PIEZO2: variants seen among roughly 807,000 people sequenced by gnomAD.
PIEZO2 encodes piezo type mechanosensitive ion channel component 2, also known as piezo-type mechanosensitive ion channel component 2.
PIEZO2 carries 172 observed loss-of-function variants against 337.3 expected under a neutral mutation model. The observed-to-expected ratio is 0.51, with a 90% CI of 0.45 to 0.58. The LOEUF is 0.58. Among genes scored for constraint, PIEZO2 ranks in the 20% least tolerant of loss-of-function variants. PIEZO2 has a pLI of 0.00. For missense variants in PIEZO2, 3,028 were observed against 3,391.3 expected, an observed-to-expected ratio of 0.89 and a Z score of 2.66; for synonymous variants, 1,251 against 1,228.5, an observed-to-expected ratio of 1.02 and a Z score of -0.38.
intron 3 of PIEZO2, among the ~76,000 whole-genome samples, chr18:10,939,079 CA>C (rs113892869): frequency 1.1e-4 from 12 of 111,028 alleles, no homozygotes; most frequent in South Asian, 2.7e-4. Context: ...AAAAACAAAA[CA>C]AAAAAAAAAT....
chr18:10,734,727 G>T (rs2036929094), intron 35 of PIEZO2, among the ~76,000 whole-genome samples: 1 of 152,228 alleles, frequency 6.6e-6, no homozygotes, highest in African/African-American at 2.4e-5. Flanking sequence ...CCCGCAGACT[G>T]CACTGGGTGG....
In PIEZO2 at chr18:10,869,720, G is replaced by A. The variant is rs188003171; in HGVS notation, c.492+1533C>T. The stretch of plus-strand genomic sequence containing the variant: ...TTAGGGCACTAATGCATGCCTTATG[G>A]TGTCAAGTCTTGAAAGTAAGATGTA... On this transcript the variant is annotated intron_variant, in intron 5 of 55. Transcript: ENST00000674853. Among the ~76,000 whole-genome samples the A allele has an allele frequency of 9.5e-4, 145 of 152,286 alleles. 1 individual carries two copies. The highest frequency in any genetic ancestry group is 5.1e-4 in the Non-Finnish European group (35 of 68,024).
In PIEZO2 at chr18:10,725,286, C is replaced by A. The variant is rs536073812; in HGVS notation, c.5029+6121G>T. 1.0e-5 allele frequency: 16 copies of A among 1,571,674 alleles called. No individual in the cohort carries two copies. The South Asian group carries it at 1.8e-4, about 17-fold the overall frequency. ...TGCTCACCAAGTGCCAGATATGGTC[C>A]ATTGTGGGTAAATACAGCAGAAGGA... is the stretch of plus-strand genomic sequence containing the variant. On this transcript the variant is annotated intron_variant, in intron 36 of 55. Transcript: ENST00000674853.
At chr18:10,931,219 G>T (rs998408605) in intron 3 of PIEZO2, among the ~76,000 whole-genome samples, 65 of 151,676 alleles carry the variant, frequency 4.3e-4, no homozygotes, top group Middle Eastern at 6.8e-3. Flanking sequence ...ATTCTGAGAC[G>T]GAGTCTCGCT....
In PIEZO2 at chr18:11,069,101, A is replaced by G. The variant is rs1439969015; in HGVS notation, c.65-2879T>C. 6.6e-6 allele frequency among the ~76,000 whole-genome samples: 1 copy of G among 151,696 alleles called. No individual in the cohort carries two copies. The highest frequency in any genetic ancestry group is 1.5e-5 in the Non-Finnish European group (1 of 68,028). On this transcript the variant is annotated intron_variant, in intron 1 of 55. Transcript: ENST00000674853. The surrounding 1 kb of genome is among the most constrained non-coding windows in gnomAD (Gnocchi z 4.9). Reference sequence around the variant, plus strand: ...ACCTCATGAATTCTACCAAACATTTAAGGAGAAATAATATCAATTCTTCTC... The same window carrying G: ...ACCTCATGAATTCTACCAAACATTTGAGGAGAAATAATATCAATTCTTCTC...
intron 2 of PIEZO2, among the ~76,000 whole-genome samples, chr18:10,997,035 T>G (rs1158531825): frequency 6.6e-6 from 1 of 152,128 alleles, no homozygotes; most frequent in Non-Finnish European, 1.5e-5. Flanking sequence ...CCCCAAATCA[T>G]GCACTCATGG....
chr18:10,725,189 T>C (rs2036482873), intron 36 of PIEZO2: 2 of 1,546,646 alleles, frequency 1.3e-6, no homozygotes, highest in African/African-American at 2.7e-5. Context: ...CATCAGGCAG[T>C]TGGCATCATT....
intron 29 of PIEZO2, among the ~76,000 whole-genome samples, chr18:10,749,499 TAAATAGAG>T (rs1424838520): frequency 1.3e-5 from 2 of 151,882 alleles, no homozygotes; most frequent in Non-Finnish European, 2.9e-5. Context: ...TAATAATAAA[TAAATAGAG>T]AGAGCACTGT....
chr18:10,723,281 A>AT (rs2036398348), intron 36 of PIEZO2, among the ~76,000 whole-genome samples: 1 of 152,098 alleles, frequency 6.6e-6, no homozygotes, highest in South Asian at 2.1e-4. Flanking sequence ...GGAGGCAGTG[A>AT]TTAACTGTAT....
At chr18:11,008,081 TA>T (rs2035782661) in intron 2 of PIEZO2, among the ~76,000 whole-genome samples, 2 of 152,182 alleles carry the variant, frequency 1.3e-5, no homozygotes, top group Admixed American at 6.5e-5. Flanking sequence ...AATATATGTA[TA>T]TATGAGGAAA....
At chr18:11,064,585 A>G (rs1287711337) in intron 2 of PIEZO2, among the ~76,000 whole-genome samples, 1 of 152,230 alleles carries the variant, frequency 6.6e-6, no homozygotes, top group Non-Finnish European at 1.5e-5. Context: ...ACATCTGAGT[A>G]TGAACTGATG....
rs1287733223 is a variant in PIEZO2 at position 10,763,322 on chromosome 18, G to A, written c.2947-224C>T. 3 of 556,456 alleles carry A rather than the reference G, an allele frequency of 5.4e-6. No individual in the cohort carries two copies. The African/African-American group carries it at 5.7e-5, about 11-fold the overall frequency. The allele number at this position is 556,456 out of a possible 1,614,324, so 34.5% of individuals were successfully genotyped here. A position where few individuals can be genotyped will look rare whatever the true frequency, so the allele number is the denominator to read the frequency against. ...TGTATGGCAGACAGACATATCATCAGGTGACATCAATATCATGTAGCACTG... is the reference window on the plus strand; with the variant it reads ...TGTATGGCAGACAGACATATCATCAAGTGACATCAATATCATGTAGCACTG... On this transcript the variant is annotated intron_variant, in intron 21 of 55. Transcript: ENST00000674853.
chr18:10,973,859 C>T lies in PIEZO2; in HGVS notation c.286+5676G>A, dbSNP rs2034337932. Among the ~76,000 whole-genome samples the T allele has an allele frequency of 6.6e-6, 1 of 152,122 alleles. No homozygotes were observed. Among genetic ancestry groups the T allele is most frequent in the African/African-American group, 2.4e-5 (1 of 41,412 alleles). ...TATATATTTTGTCTCCCATTTCGTA[C>T]TTATTAGCTCTTTTCTCCAGGGTAC... On this transcript the variant is annotated intron_variant, in intron 3 of 55. Transcript: ENST00000674853. This position sits in a 1 kb window ranked among gnomAD's most constrained non-coding sequence, Gnocchi z 4.9.
At chr18:10,679,548 T>TA (rs2034170936) in intron 52 of PIEZO2, among the ~76,000 whole-genome samples, 1 of 152,164 alleles carries the variant, frequency 6.6e-6, no homozygotes, top group Non-Finnish European at 1.5e-5. Context: ...AGTATTAATT[T>TA]AAATCAACTT....
At chr18:11,113,481 G>C (rs1472580872) in intron 1 of PIEZO2, among the ~76,000 whole-genome samples, 1 of 152,118 alleles carries the variant, frequency 6.6e-6, no homozygotes, top group Non-Finnish European at 1.5e-5. Flanking sequence ...AAAACCCTCC[G>C]GATATGCGGA....
At chr18:11,107,957 T>C (rs1346055830) in intron 1 of PIEZO2, among the ~76,000 whole-genome samples, 1 of 152,236 alleles carries the variant, frequency 6.6e-6, no homozygotes, top group Non-Finnish European at 1.5e-5. Flanking sequence ...TTCTGACTTT[T>C]ACCTCCAAGT....
chr18:11,017,573 A>G (rs1428636511), intron 2 of PIEZO2, among the ~76,000 whole-genome samples: 3 of 152,060 alleles, frequency 2.0e-5, no homozygotes, highest in Non-Finnish European at 4.4e-5. Flanking sequence ...GATGGAAATC[A>G]AGCTATAAAA....
Position 10,767,646 on chromosome 18 carries a change from T to G in PIEZO2, c.2946+2502A>C, listed in dbSNP as rs1312446937. 6.6e-6 allele frequency among the ~76,000 whole-genome samples: 1 copy of G among 152,092 alleles called. No homozygotes were observed. The highest frequency in any genetic ancestry group is 1.5e-5 in the Non-Finnish European group (1 of 67,998). On this transcript the variant is annotated intron_variant, in intron 21 of 55. Transcript: ENST00000674853. The surrounding 1 kb of genome is among the most constrained non-coding windows in gnomAD (Gnocchi z 4.2). ...GAGATGAAGAGCTCTGGTTACAGGGTGCAGAGTCTCTTTGCTGGGCTCCAT... is the reference window on the plus strand; with the variant it reads ...GAGATGAAGAGCTCTGGTTACAGGGGGCAGAGTCTCTTTGCTGGGCTCCAT...
intron 21 of PIEZO2, among the ~76,000 whole-genome samples, chr18:10,768,169 G>A (rs2038446065): frequency 6.6e-6 from 1 of 152,198 alleles, no homozygotes; most frequent in African/African-American, 2.4e-5. Context: ...TCTACCTGGG[G>A]AGGGACCCGA....
Sources: gnomAD v4.1 joint callset for allele counts (sites outside exome capture counted in the v4.1 genomes callset) on GRCh38, gnomAD v4.1.1 for gene constraint, Gnocchi (gnomAD v3.1) non-coding constraint, MANE v1.5 for transcripts, NCBI Gene and HGNC (gene_info 2026-07-23, HGNC 2026-07-21) for gene names.